The following OPCML variants were observed in gnomAD, a reference collection of about 807,000 sequenced individuals.
The protein encoded by OPCML is opioid binding protein/cell adhesion molecule like.
A neutral mutation model predicts 37.8 loss-of-function variants in OPCML; 13 were observed. That is an observed-to-expected ratio of 0.34 (90% CI 0.22 to 0.55). The LOEUF (loss-of-function observed/expected upper bound fraction) is 0.55. Ranked by LOEUF, OPCML falls within the 20% of genes least tolerant of loss-of-function variation. The pLI is 0.91. For missense variants in OPCML, 341 were observed against 435.6 expected, an observed-to-expected ratio of 0.78 and a Z score of 1.93; for synonymous variants, 176 against 168.8, an observed-to-expected ratio of 1.04 and a Z score of -0.33.
intron 2 of OPCML, among the ~76,000 whole-genome samples, chr11:132,754,188 T>C (rs994484682): frequency 1.3e-5 from 2 of 152,190 alleles, no homozygotes; most frequent in Admixed American, 6.5e-5. Flanking sequence ...CAAAGACTAA[T>C]AAGGTACTGC....
At chr11:133,265,546 C>T (rs1172327446) in intron 1 of OPCML, among the ~76,000 whole-genome samples, 1 of 152,190 alleles carries the variant, frequency 6.6e-6, no homozygotes, top group East Asian at 1.9e-4. Flanking sequence ...TTAATTGTTT[C>T]TGACAAGCGC....
intron 1 of OPCML, among the ~76,000 whole-genome samples, chr11:133,410,307 TC>T (rs1287105346): frequency 3.9e-5 from 6 of 152,168 alleles, no homozygotes; most frequent in African/African-American, 1.4e-4. Context: ...CTGATGGTTG[TC>T]CAAATTCATC....
chr11:132,991,035 G>A (rs778540696), intron 1 of OPCML, among the ~76,000 whole-genome samples: 15 of 152,154 alleles, frequency 9.9e-5, no homozygotes, highest in African/African-American at 1.4e-4. Flanking sequence ...GACTTGACCC[G>A]CTAAGCAAAC....
chr11:133,161,653 A>T (rs1397530985), intron 1 of OPCML, among the ~76,000 whole-genome samples: 1 of 152,196 alleles, frequency 6.6e-6, no homozygotes, highest in African/African-American at 2.4e-5. Flanking sequence ...CATCAAATGG[A>T]GAAGTTTGAA....
At chr11:133,170,330 C>G (rs937428609) in intron 1 of OPCML, among the ~76,000 whole-genome samples, 1 of 152,116 alleles carries the variant, frequency 6.6e-6, no homozygotes, top group Non-Finnish European at 1.5e-5. Flanking sequence ...CAAAAAAATA[C>G]AAAAACTTAG....
At chr11:133,069,483 CA>C (rs921236267) in intron 1 of OPCML, among the ~76,000 whole-genome samples, 3 of 152,160 alleles carry the variant, frequency 2.0e-5, no homozygotes, top group African/African-American at 7.2e-5. Flanking sequence ...AGCTGGGGTG[CA>C]GGGGCGAGTG....
intron 2 of OPCML, among the ~76,000 whole-genome samples, chr11:132,869,700 A>C (rs1460486113): frequency 6.6e-6 from 1 of 152,166 alleles, no homozygotes; most frequent in Non-Finnish European, 1.5e-5. Context: ...TTCTCAGCTA[A>C]ATTCTGAAAG....
chr11:132,672,380 A>G (rs1279694307), intron 2 of OPCML, among the ~76,000 whole-genome samples: 1 of 152,220 alleles, frequency 6.6e-6, no homozygotes, highest in Non-Finnish European at 1.5e-5. Flanking sequence ...GTAATACGCA[A>G]GGGAAACAAC....
In OPCML at chr11:133,140,910, AGAAGAAGAAGAC is replaced by A. The variant is rs1301213479; in HGVS notation, c.62-197912_62-197901del. Among the ~76,000 whole-genome samples, 2 of 14,300 alleles carry A rather than the reference AGAAGAAGAAGAC, an allele frequency of 1.4e-4. 1 individual carries two copies. The highest frequency in any genetic ancestry group is 3.1e-4 in the African/African-American group (2 of 6,396). 9.4% of individuals were successfully genotyped at this position (14,300 alleles called of 152,430 possible). On this transcript the variant is annotated intron_variant, in intron 1 of 7. Coordinates refer to ENST00000524381, the MANE Select transcript of OPCML (RefSeq NM_001012393.5). Reference sequence around the variant, plus strand: ...ACGACGACGAAGACGACGACGACGAAGAAGAAGAAGACGACGACGACGAAGAAGAAGAAGACG... The same window carrying A: ...ACGACGACGAAGACGACGACGACGAAGACGACGACGAAGAAGAAGAAGACG...
chr11:132,687,673 T>C (rs1223916792), intron 2 of OPCML, among the ~76,000 whole-genome samples: 1 of 151,956 alleles, frequency 6.6e-6, no homozygotes, highest in Non-Finnish European at 1.5e-5. Flanking sequence ...GGTCATATCA[T>C]AGCATTTTCC....
At chr11:132,627,652 G>A (rs573165168) in intron 3 of OPCML, among the ~76,000 whole-genome samples, 1 of 152,310 alleles carries the variant, frequency 6.6e-6, no homozygotes, top group South Asian at 2.1e-4. Flanking sequence ...ACATGTAGAT[G>A]ATTTCAGCTA....
chr11:133,310,767 A>T (rs1040846757), intron 1 of OPCML, among the ~76,000 whole-genome samples: 1 of 152,264 alleles, frequency 6.6e-6, no homozygotes, highest in African/African-American at 2.4e-5. Context: ...TCCTGGCTCA[A>T]ATAGAAAACA....
At chr11:132,579,280 G>A (rs1285467915) in intron 3 of OPCML, among the ~76,000 whole-genome samples, 1 of 152,072 alleles carries the variant, frequency 6.6e-6, no homozygotes, top group Non-Finnish European at 1.5e-5. Flanking sequence ...CTTGGGAAGA[G>A]TGTTTTCATC....
chr11:132,588,452 G>A (rs1486891402), intron 3 of OPCML, among the ~76,000 whole-genome samples: 2 of 152,160 alleles, frequency 1.3e-5, no homozygotes, highest in Admixed American at 1.3e-4. Context: ...TATTACTACA[G>A]CAATGGATTC....
intron 2 of OPCML, among the ~76,000 whole-genome samples, chr11:132,693,899 TA>T (rs769095400): frequency 7.9e-5 from 12 of 152,092 alleles, no homozygotes; most frequent in Non-Finnish European, 1.5e-4. Flanking sequence ...TTGGTTTCAG[TA>T]TGAAAATAGG....
intron 2 of OPCML, among the ~76,000 whole-genome samples, chr11:132,681,825 G>T (rs1037148939): frequency 2.0e-5 from 3 of 152,022 alleles, no homozygotes; most frequent in Non-Finnish European, 4.4e-5. Flanking sequence ...GGTGGTGGCG[G>T]GCACCTGTAT....
chr11:133,515,979 G>A (rs933325727), intron 1 of OPCML, among the ~76,000 whole-genome samples: 1 of 152,032 alleles, frequency 6.6e-6, no homozygotes, highest in Non-Finnish European at 1.5e-5. Flanking sequence ...GGAGTCTGGC[G>A]CTGGCTCCCA....
chr11:132,821,108 AC>A lies in OPCML; in HGVS notation c.146+121817del, dbSNP rs113093020. ...AGAGGCCAGGACTGTTCTTTTGCTGACTCTAGCATGCAAATGTATGTGTCAT... is the reference window on the plus strand; with the variant it reads ...AGAGGCCAGGACTGTTCTTTTGCTGATCTAGCATGCAAATGTATGTGTCAT... On this transcript the variant is annotated intron_variant, in intron 2 of 7. Coordinates refer to ENST00000524381, the MANE Select transcript of OPCML (RefSeq NM_001012393.5). Among the ~76,000 whole-genome samples, 727 of 152,148 alleles carry A rather than the reference AC, an allele frequency of 4.8e-3. 10 individuals are homozygous for A. Among genetic ancestry groups the A allele is most frequent in the African/African-American group, 0.016 (665 of 41,498 alleles).
At chr11:133,492,627 T>C (rs1430351888) in intron 1 of OPCML, among the ~76,000 whole-genome samples, 1 of 150,948 alleles carries the variant, frequency 6.6e-6, no homozygotes, top group Admixed American at 6.6e-5. Flanking sequence ...GAGACAATGA[T>C]GCCCAACGAT....
Sources: gnomAD v4.1 joint callset for allele counts (sites outside exome capture counted in the v4.1 genomes callset) on GRCh38, gnomAD v4.1.1 for gene constraint, MANE v1.5 for transcripts, NCBI Gene and HGNC (gene_info 2026-07-23, HGNC 2026-07-21) for gene names.